Variants in MLANA observed in about 807,000 individuals in gnomAD.
MLANA encodes melan-A.
MLANA carries 21 observed loss-of-function variants against 15.7 expected under a neutral mutation model. That is an observed-to-expected ratio of 1.33 (90% CI 0.95 to 1.92). The LOEUF (loss-of-function observed/expected upper bound fraction) is 1.92, where lower values mean the gene tolerates loss of function less well. Among genes scored for constraint, MLANA ranks in the 40% most tolerant of loss-of-function variants. The pLI, the probability that MLANA is intolerant of heterozygous loss-of-function variation, is 0.00. For missense variants in MLANA, 164 were observed against 143.8 expected (o/e 1.14, Z -0.72); for synonymous variants, 56 against 51.5 (o/e 1.09, Z -0.37).
At chr9:5,905,134 C>T (rs1422376098) in intron 3 of MLANA, among the ~76,000 whole-genome samples, 7 of 152,256 alleles carry the variant, frequency 4.6e-5, no homozygotes, top group African/African-American at 1.7e-4. Context: ...ACATTTACAA[C>T]TAATTCAAAT....
At position 5,909,910 on chromosome 9, in the gene MLANA, AT is replaced by A. The variant is rs1354997238; in HGVS notation, c.*1205del. 1 of 152,216 alleles carries A rather than the reference AT, an allele frequency of 6.6e-6. No individual in the cohort carries two copies. Among genetic ancestry groups the A allele is most frequent in the Non-Finnish European group, 1.5e-5 (1 of 68,020 alleles). The allele number at this position is 152,216 out of a possible 1,614,324, so 9.4% of individuals were successfully genotyped here. On this transcript the variant is annotated 3_prime_UTR_variant, in exon 5 of 5. Coordinates refer to ENST00000381477, the MANE Select transcript of MLANA (RefSeq NM_005511.2). ...TCACCTACACTATTATTTATCTAAT[AT>A]TTCTCTTTCAGGCAGCTCATTTAAA... is the stretch of plus-strand genomic sequence containing the variant.
intron 2 of MLANA, among the ~76,000 whole-genome samples, 178 bp from the exon 3 acceptor site, chr9:5,897,379 T>G (rs1832096736): frequency 6.6e-6 from 1 of 152,160 alleles, no homozygotes; most frequent in Non-Finnish European, 1.5e-5. Flanking sequence ...CTGGGTTAGA[T>G]CCAGGTGCTG....
Position 5,910,462 on chromosome 9 carries a change from C to G in MLANA, c.*1754C>G, listed in dbSNP as rs757101918. 6.6e-6 allele frequency: 1 copy of G among 152,228 alleles called. No homozygotes were observed. 9.4% of individuals were successfully genotyped at this position (152,228 alleles called of 1,614,324 possible). ...AGGCTTCCACCTCTCCCACTTCAAA[C>G]AAATAAATGAATTCTAAACCAAAGA... On this transcript the variant is annotated 3_prime_UTR_variant, in exon 5 of 5. Transcript: ENST00000381477.
intron 3 of MLANA, 130 bp downstream of exon 3, chr9:5,897,783 C>A: frequency 1.3e-6 from 1 of 798,862 alleles, no homozygotes; most frequent in South Asian, 1.6e-5. Flanking sequence ...GCTTCTGATG[C>A]CTCTTTTGCT....
chr9:5,907,869 C>T (rs904469907), intron 4 of MLANA, among the ~76,000 whole-genome samples: 1 of 152,350 alleles, frequency 6.6e-6, no homozygotes, highest in South Asian at 2.1e-4. Flanking sequence ...AGGAGAATCA[C>T]TTGAACCCGG....
In MLANA at chr9:5,909,619, A is replaced by G. The variant is rs1040800163; in HGVS notation, c.*911A>G. On this transcript the variant is annotated 3_prime_UTR_variant, in exon 5 of 5. Transcript: ENST00000381477. The stretch of plus-strand genomic sequence containing the variant: ...TAATTACATTTCACTTCAAGGCTCA[A>G]TGCTATTCTAACTAATGACAAGTAT... 6.6e-6 allele frequency: 1 copy of G among 152,218 alleles called. No homozygotes were observed. The highest frequency in any genetic ancestry group is 1.5e-5 in the Non-Finnish European group (1 of 68,042). 9.4% of individuals were successfully genotyped at this position (152,218 alleles called of 1,614,324 possible).
intron 2 of MLANA, among the ~76,000 whole-genome samples, chr9:5,893,283 G>A (rs1384483884): frequency 6.6e-6 from 1 of 152,176 alleles, no homozygotes; most frequent in Non-Finnish European, 1.5e-5. Context: ...GACATACTCT[G>A]TACGTGCTGG....
At position 5,894,943 on chromosome 9, in the gene MLANA, C is replaced by T. The variant is rs1831911331; in HGVS notation, c.77+2392C>T. 6.6e-6 allele frequency among the ~76,000 whole-genome samples: 1 copy of T among 152,204 alleles called. No individual in the cohort carries two copies. Among genetic ancestry groups the T allele is most frequent in the Non-Finnish European group, 1.5e-5 (1 of 68,040 alleles). On this transcript the variant is annotated intron_variant, in intron 2 of 4. Transcript: ENST00000381477. The surrounding 1 kb of genome is among the most constrained non-coding windows in gnomAD (Gnocchi z 4.0). Reference sequence around the variant, plus strand: ...ACTATCATGTGAAGGAACCCCTTGACTGAAGGCACAAGCTTTCTGTGTCTT... The same window carrying T: ...ACTATCATGTGAAGGAACCCCTTGATTGAAGGCACAAGCTTTCTGTGTCTT...
chr9:5,908,565 T>G (rs1414193694), intron 4 of MLANA, 75 bp from the exon 5 acceptor site: 17 of 1,244,218 alleles, frequency 1.4e-5, no homozygotes, highest in Non-Finnish European at 2.0e-5. Flanking sequence ...ATATGTTAAC[T>G]ATTTTAACTT....
In MLANA at chr9:5,906,928, G is replaced by A. The variant is rs1189507968; in HGVS notation, c.218G>A (p.Arg73Lys). 6.3e-7 allele frequency: 1 copy of A among 1,596,488 alleles called. No individual in the cohort carries two copies. Among genetic ancestry groups the A allele is most frequent in the Non-Finnish European group, 8.5e-7 (1 of 1,173,244 alleles). ...GGCACTCAATGTGCCTTAACAAGAA[G>A]ATGCCCACAAGAAGGGTTTGATCAT... The part of the protein sequence containing the change: ...HVGTQCALTR[R>K]CPQEGFDHRD... The change falls in exon 4 of 5, where the codon AGA becomes AAA. Residue 73 changes from arginine to lysine, a missense_variant. Arg to Lys is a conservative substitution (Grantham distance 26). Transcript: ENST00000381477.
intron 2 of MLANA, among the ~76,000 whole-genome samples, chr9:5,893,478 A>G (rs2129889192): frequency 6.6e-6 from 1 of 152,338 alleles, no homozygotes. Flanking sequence ...GCACTGAGGA[A>G]GAGTTCAGGC....
rs181170875 is a variant in MLANA at position 5,902,566 on chromosome 9, G to A, written c.175-4319G>A. Reference sequence around the variant, plus strand: ...TGTTACCTTGAACTCCTGGGCTCAAGCACTCCAATCCTCCTGGCTCAGCCT... The same window carrying A: ...TGTTACCTTGAACTCCTGGGCTCAAACACTCCAATCCTCCTGGCTCAGCCT... On this transcript the variant is annotated intron_variant, in intron 3 of 4. Transcript: ENST00000381477. Among the ~76,000 whole-genome samples the A allele has an allele frequency of 2.6e-5, 4 of 151,650 alleles. No individual in the cohort carries two copies. In the East Asian group the frequency reaches 7.7e-4, roughly 29 times the overall value.
At position 5,906,939 on chromosome 9, in the gene MLANA, G is replaced by C. The variant is rs374032706; in HGVS notation, c.229G>C (p.Glu77Gln). Residue 77 changes from glutamate to glutamine, a missense_variant, in exon 4 of 5, where the codon GAA (glutamate) becomes CAA (glutamine). Transcript: ENST00000381477. ...TGCCTTAACAAGAAGATGCCCACAAGAAGGGTTTGATCATCGGGACAGCAA... is the reference window on the plus strand; with the variant it reads ...TGCCTTAACAAGAAGATGCCCACAACAAGGGTTTGATCATCGGGACAGCAA... The part of the protein sequence containing the change: ...QCALTRRCPQ[E>Q]GFDHRDSKVS... 3 of 1,598,020 alleles carry C rather than the reference G, an allele frequency of 1.9e-6. No homozygotes were observed.
In MLANA at chr9:5,908,752, C is replaced by T. The variant is rs1249088123; in HGVS notation, c.*44C>T. The T allele has an allele frequency of 6.4e-7, 1 of 1,560,968 alleles. No individual in the cohort carries two copies. Among genetic ancestry groups the T allele is most frequent in the Admixed American group, 1.7e-5 (1 of 59,754 alleles). On this transcript the variant is annotated 3_prime_UTR_variant, in exon 5 of 5. Coordinates refer to ENST00000381477, the MANE Select transcript of MLANA (RefSeq NM_005511.2). ...AGACATGCTGAAATTATTTCTCTCACACTTTTGCTTGAATTTAATACAGAC... is the reference window on the plus strand; with the variant it reads ...AGACATGCTGAAATTATTTCTCTCATACTTTTGCTTGAATTTAATACAGAC...
chr9:5,897,700 C>G, intron 3 of MLANA, 47 bp downstream of exon 3: 1 of 1,429,308 alleles, frequency 7.0e-7, no homozygotes, highest in Non-Finnish European at 9.9e-7. Context: ...CCAGGGCCCT[C>G]TTTCCAGTTC....
intron 4 of MLANA, among the ~76,000 whole-genome samples, chr9:5,908,109 T>G (rs1047171035): frequency 6.6e-6 from 1 of 152,254 alleles, no homozygotes; most frequent in East Asian, 1.9e-4. Context: ...TTACTAGTTG[T>G]GTGACCATGG....
At position 5,908,821 on chromosome 9, in the gene MLANA, A is replaced by T; in HGVS notation, c.*113A>T. 1 of 955,730 alleles carries T rather than the reference A, an allele frequency of 1.0e-6. No homozygotes were observed. The highest frequency in any genetic ancestry group is 1.6e-6 in the Non-Finnish European group (1 of 611,444). The allele number at this position is 955,730 out of a possible 1,614,324, so 59.2% of individuals were successfully genotyped here. On this transcript the variant is annotated 3_prime_UTR_variant, in exon 5 of 5. Coordinates refer to ENST00000381477, the MANE Select transcript of MLANA (RefSeq NM_005511.2). ...GAATGGTGTAGGAAAAATGCAAGCC[A>T]TCTCTAATAATAAGTCAGTGTTAAA...
At chr9:5,897,273 G>C (rs555372674) in intron 2 of MLANA, among the ~76,000 whole-genome samples, 2 of 152,356 alleles carry the variant, frequency 1.3e-5, no homozygotes, top group South Asian at 4.1e-4. Context: ...ATAAAGACCA[G>C]TTACTATGGC....
chr9:5,892,426 A>T, intron 1 of MLANA, 24 bp from the exon 2 acceptor site: 2 of 1,565,630 alleles, frequency 1.3e-6, no homozygotes, highest in Non-Finnish European at 1.7e-6. Context: ...TGCATTAATG[A>T]TGCCCACATG....
Sources: gnomAD v4.1 joint callset for allele counts (sites outside exome capture counted in the v4.1 genomes callset) on GRCh38, gnomAD v4.1.1 for gene constraint, Gnocchi (gnomAD v3.1) non-coding constraint, MANE v1.5 for transcripts, NCBI Gene and HGNC (gene_info 2026-07-23, HGNC 2026-07-21) for gene names.